Variants in NTSR1 observed in about 807,000 individuals in gnomAD.
The protein encoded by NTSR1 is neurotensin receptor type 1.
In NTSR1, 29 loss-of-function variants were observed where a neutral mutation model predicts 31.2. That is an observed-to-expected ratio of 0.93 (90% CI 0.69 to 1.27). NTSR1 has a LOEUF of 1.27. NTSR1 is among the 50% of genes most tolerant of loss of function. NTSR1 has a pLI of 0.00. For synonymous variants in NTSR1, 282 were observed against 269.9 expected, an observed-to-expected ratio of 1.04 and a Z score of -0.44; for missense variants, 697 against 595.4, an observed-to-expected ratio of 1.17 and a Z score of -1.78.
At chr20:62,746,894 G>A (rs1989309797) in intron 1 of NTSR1, among the ~76,000 whole-genome samples, 1 of 152,206 alleles carries the variant, frequency 6.6e-6, no homozygotes, top group South Asian at 2.1e-4. Flanking sequence ...TGAAGAGGAA[G>A]GAACACTTTC....
intron 1 of NTSR1, among the ~76,000 whole-genome samples, chr20:62,716,614 T>TGTTGGTTGTG (rs1988729156): frequency 6.6e-6 from 1 of 152,104 alleles, no homozygotes; most frequent in African/African-American, 2.4e-5. Context: ...CGTGAGTCTG[T>TGTTGGTTGTG]GAAAAACAAC....
Position 62,709,157 on chromosome 20 carries a change from G to T in NTSR1, c.-51G>T. On this transcript the variant is annotated 5_prime_UTR_variant, in exon 1 of 4. Transcript: ENST00000370501. ...CCTGAGACGCGCCCACTCCTGCCCG[G>T]ACTTCCAGCCCCGGAGGCGCCGGAC... is the stretch of plus-strand genomic sequence containing the variant. 1 of 1,344,812 alleles carries T rather than the reference G, an allele frequency of 7.4e-7. No homozygotes were observed. The highest frequency in any genetic ancestry group is 1.7e-5 in the South Asian group (1 of 59,072). 83.3% of individuals were successfully genotyped at this position (1,344,812 alleles called of 1,614,324 possible).
chr20:62,719,192 C>T (rs1482214756), intron 1 of NTSR1, among the ~76,000 whole-genome samples: 1 of 150,364 alleles, frequency 6.7e-6, no homozygotes, highest in Non-Finnish European at 1.5e-5. Context: ...AGGAAAGTTT[C>T]CTTATATTCC....
At chr20:62,722,007 A>G (rs904019137) in intron 1 of NTSR1, among the ~76,000 whole-genome samples, 1 of 151,726 alleles carries the variant, frequency 6.6e-6, no homozygotes, top group African/African-American at 2.4e-5. Flanking sequence ...CAATGGACTC[A>G]TTTTTTTCTT....
chr20:62,737,170 C>G (rs981374399), intron 1 of NTSR1, among the ~76,000 whole-genome samples: 2 of 152,336 alleles, frequency 1.3e-5, no homozygotes, highest in South Asian at 2.1e-4. Flanking sequence ...TGATCAGCCC[C>G]GTGTTCGTGA....
intron 1 of NTSR1, among the ~76,000 whole-genome samples, chr20:62,724,891 G>A (rs1988879724): frequency 1.3e-5 from 2 of 152,154 alleles, no homozygotes. Context: ...TTCCCCCTGT[G>A]CGTCTCTGTG....
rs1215642954 is a variant in NTSR1 at position 62,733,627 on chromosome 20, GA to G, written c.715-21053del. Reference sequence around the variant, plus strand: ...TGGGGAGGAGAGATACACACATGGAGAAAAAGAGGGAGATAGAGAAGAGAGA... The same window carrying G: ...TGGGGAGGAGAGATACACACATGGAGAAAAGAGGGAGATAGAGAAGAGAGA... On this transcript the variant is annotated intron_variant, in intron 1 of 3. Transcript: ENST00000370501. This position sits in a 1 kb window ranked among gnomAD's most constrained non-coding sequence, Gnocchi z 5.2. Among the ~76,000 whole-genome samples the G allele has an allele frequency of 3.0e-5, 4 of 131,940 alleles. No homozygotes were observed. The highest frequency in any genetic ancestry group is 4.7e-5 in the Non-Finnish European group (3 of 64,020). The allele number at this position is 131,940 out of a possible 152,430, so 86.6% of individuals were successfully genotyped here.
At chr20:62,752,253 G>GATGGAC (rs1989405992) in intron 1 of NTSR1, among the ~76,000 whole-genome samples, 2 of 152,212 alleles carry the variant, frequency 1.3e-5, no homozygotes, top group Non-Finnish European at 2.9e-5. Flanking sequence ...CCGCGCTGCC[G>GATGGAC]ATGGACGTGC....
intron 1 of NTSR1, among the ~76,000 whole-genome samples, chr20:62,752,449 G>A (rs960386480): frequency 6.6e-6 from 1 of 152,056 alleles, no homozygotes; most frequent in Admixed American, 6.5e-5. Context: ...TCCAGGGTGG[G>A]CAGGTGGGGG....
In NTSR1 at chr20:62,711,576, C is replaced by T; in HGVS notation, c.714+1655C>T. ...CCCCCCACTCAGACCCCCGATCCCCCCGCTCAGATCCCCGATCCCCCCGCT... is the reference window on the plus strand; with the variant it reads ...CCCCCCACTCAGACCCCCGATCCCCTCGCTCAGATCCCCGATCCCCCCGCT... On this transcript the variant is annotated intron_variant, in intron 1 of 3. Transcript: ENST00000370501. This position sits in a 1 kb window ranked among gnomAD's most constrained non-coding sequence, Gnocchi z 6.4. 6.8e-6 allele frequency among the ~76,000 whole-genome samples: 1 copy of T among 147,972 alleles called. No individual in the cohort carries two copies. Among genetic ancestry groups the T allele is most frequent in the East Asian group, 2.1e-4 (1 of 4,816 alleles).
chr20:62,759,932 C>A, intron 3 of NTSR1, 86 bp from the exon 4 acceptor site: 1 of 1,392,234 alleles, frequency 7.2e-7, no homozygotes, highest in Non-Finnish European at 1.0e-6. Flanking sequence ...CACCACGTCC[C>A]TCAGCCGCTG....
At chr20:62,740,724 C>T (rs1266061337) in intron 1 of NTSR1, among the ~76,000 whole-genome samples, 2 of 151,978 alleles carry the variant, frequency 1.3e-5, no homozygotes, top group Admixed American at 1.3e-4. Flanking sequence ...CAGAATTCCA[C>T]CCCTCACTCA....
At position 62,709,211 on chromosome 20, in the gene NTSR1, C is replaced by A. The variant is rs1272474685; in HGVS notation, c.4C>A (p.Arg2Ser). 2.8e-6 allele frequency: 4 copies of A among 1,452,702 alleles called. No individual in the cohort carries two copies. Among genetic ancestry groups the A allele is most frequent in the Non-Finnish European group, 2.7e-6 (3 of 1,111,148 alleles). The allele number at this position is 1,452,702 out of a possible 1,614,324, so 90.0% of individuals were successfully genotyped here. ...GCCGCGGACTCCAGCGCCCACCATG[C>A]GCCTCAACAGCTCCGCGCCGGGAAC... The part of the protein sequence containing the change: M[R>S]LNSSAPGTPG... The change falls in exon 1 of 4, where the codon CGC becomes AGC. Residue 2 changes from arginine (R) to serine (S), a missense_variant. Coordinates refer to ENST00000370501, the MANE Select transcript of NTSR1 (RefSeq NM_002531.3).
intron 1 of NTSR1, among the ~76,000 whole-genome samples, chr20:62,748,688 T>G (rs970078163): frequency 3.3e-5 from 5 of 152,164 alleles, no homozygotes; most frequent in African/African-American, 1.2e-4. Flanking sequence ...TATTAAAACT[T>G]CATCCCCAGT....
rs1989610806 is a variant in NTSR1 at position 62,760,878 on chromosome 20, C to T, written c.*611C>T. ...CCATCGCCGTGGGGAGTCCCTCCCA[C>T]CACCCTCGCCGCAGGCAGCTGCAGC... On this transcript the variant is annotated 3_prime_UTR_variant, in exon 4 of 4. Coordinates refer to ENST00000370501, the MANE Select transcript of NTSR1 (RefSeq NM_002531.3). The T allele has an allele frequency of 6.6e-6, 1 of 152,638 alleles. No individual in the cohort carries two copies. Among genetic ancestry groups the T allele is most frequent in the Non-Finnish European group, 1.5e-5 (1 of 68,384 alleles). The allele number at this position is 152,638 out of a possible 1,614,324, so 9.5% of individuals were successfully genotyped here. A position where few individuals can be genotyped will look rare whatever the true frequency, so the allele number is the denominator to read the frequency against.
intron 1 of NTSR1, among the ~76,000 whole-genome samples, chr20:62,749,310 G>A (rs1989354385): frequency 1.3e-5 from 2 of 152,102 alleles, no homozygotes; most frequent in South Asian, 2.1e-4. Flanking sequence ...GTGTGGTGGC[G>A]GGCGCCTGTA....
intron 1 of NTSR1, among the ~76,000 whole-genome samples, chr20:62,727,428 G>A (rs1440087452): frequency 6.6e-6 from 1 of 152,228 alleles, no homozygotes; most frequent in Non-Finnish European, 1.5e-5. Flanking sequence ...GGCTGTCACC[G>A]CCTGGGGCCA....
In NTSR1 at chr20:62,744,544, G is replaced by C. The variant is rs1284167284; in HGVS notation, c.715-10141G>C. On this transcript the variant is annotated intron_variant, in intron 1 of 3. Transcript: ENST00000370501. The surrounding 1 kb of genome is among the most constrained non-coding windows in gnomAD (Gnocchi z 4.1). ...CACTCCAGCCTGGGTGACAGAACAAGACTCCGTCTCAAAAAAAAAAAAAAA... is the reference window on the plus strand; with the variant it reads ...CACTCCAGCCTGGGTGACAGAACAACACTCCGTCTCAAAAAAAAAAAAAAA... 6.9e-6 allele frequency among the ~76,000 whole-genome samples: 1 copy of C among 143,916 alleles called. No homozygotes were observed. Among genetic ancestry groups the C allele is most frequent in the Non-Finnish European group, 1.5e-5 (1 of 66,360 alleles). 94.4% of individuals were successfully genotyped at this position (143,916 alleles called of 152,430 possible).
chr20:62,760,277 C>G lies in NTSR1; in HGVS notation c.*10C>G, dbSNP rs755135046. 14 of 1,595,404 alleles carry G rather than the reference C, an allele frequency of 8.8e-6. 2 individuals are homozygous for G. In the South Asian group the frequency reaches 1.4e-4, roughly 16 times the overall value. ...CGAGACGCTGTACTAGGCTGTGCGC[C>G]CCGGAACGTGTCCAGGAGGAGCCTG... On this transcript the variant is annotated 3_prime_UTR_variant, in exon 4 of 4. Transcript: ENST00000370501.
Sources: gnomAD v4.1 joint callset for allele counts (sites outside exome capture counted in the v4.1 genomes callset) on GRCh38, gnomAD v4.1.1 for gene constraint, Gnocchi (gnomAD v3.1) non-coding constraint, MANE v1.5 for transcripts, NCBI Gene and HGNC (gene_info 2026-07-23, HGNC 2026-07-21) for gene names.